Variants in SPIDR observed in about 807,000 individuals in gnomAD.
SPIDR encodes the protein DNA repair-scaffolding protein.
In SPIDR, 93 loss-of-function variants were observed where a neutral mutation model predicts 104.6. The ratio of observed to expected loss-of-function variants is 0.89; its 90% CI spans 0.75 to 1.06. The LOEUF is 1.06. Ranked by LOEUF, SPIDR falls within the 50% of genes least tolerant of loss-of-function variation. The pLI is 0.00. For missense variants in SPIDR, 1,154 were observed against 1,111.2 expected (o/e 1.04, Z -0.55); for synonymous variants, 431 against 416.9 (o/e 1.03, Z -0.41).
At chr8:47,262,569 A>G (rs1048482701) in intron 1 of SPIDR, among the ~76,000 whole-genome samples, 8 of 152,238 alleles carry the variant, frequency 5.3e-5, no homozygotes, top group Admixed American at 2.6e-4. Flanking sequence ...TGACAGCTGC[A>G]TAGGGCAGCT....
At chr8:47,419,404 G>T (rs185021007) in intron 7 of SPIDR, 1 of 152,104 alleles carries the variant, frequency 6.6e-6, no homozygotes. Flanking sequence ...GTTTATTTGC[G>T]TAGAGGTGTC....
At chr8:47,433,799 T>C (rs569952085) in intron 7 of SPIDR, among the ~76,000 whole-genome samples, 91 of 152,318 alleles carry the variant, frequency 6.0e-4, no homozygotes, top group African/African-American at 2.0e-3. Context: ...GCATGGAGAT[T>C]TGGCATAGGT....
chr8:47,702,886 C>T (rs922898267), intron 14 of SPIDR, among the ~76,000 whole-genome samples: 1 of 152,170 alleles, frequency 6.6e-6, no homozygotes, highest in Non-Finnish European at 1.5e-5. Context: ...AGCTACCAGC[C>T]AGGCCAGAAT....
chr8:47,444,013 A>G (rs2154345194), intron 8 of SPIDR, among the ~76,000 whole-genome samples: 1 of 152,350 alleles, frequency 6.6e-6, no homozygotes, highest in South Asian at 2.1e-4. Context: ...ATAGAATTAT[A>G]TAAGTCACCA....
chr8:47,707,938 T>C (rs1363567947), intron 14 of SPIDR, among the ~76,000 whole-genome samples: 2 of 152,268 alleles, frequency 1.3e-5, no homozygotes, highest in African/African-American at 4.8e-5. Context: ...TTTTTCCTGA[T>C]AAATTTGCAT....
chr8:47,443,036 A>G (rs2069754736), intron 8 of SPIDR, among the ~76,000 whole-genome samples: 1 of 152,120 alleles, frequency 6.6e-6, no homozygotes, highest in Non-Finnish European at 1.5e-5. Flanking sequence ...AATGTAGGAC[A>G]TTTTCTTGGG....
intron 5 of SPIDR, among the ~76,000 whole-genome samples, chr8:47,370,439 ATTTTTTTTTT>A (rs34220804): frequency 1.0e-5 from 1 of 99,074 alleles, no homozygotes; most frequent in East Asian, 3.0e-4. Context: ...AGAGGTCAAG[ATTTTTTTTTT>A]TTTTTTTTTT....
chr8:47,575,381 C>A (rs916596296), intron 8 of SPIDR, among the ~76,000 whole-genome samples: 1 of 152,082 alleles, frequency 6.6e-6, no homozygotes, highest in African/African-American at 2.4e-5. Context: ...CGGTGGCTCA[C>A]GCCTGTAATC....
intron 8 of SPIDR, among the ~76,000 whole-genome samples, chr8:47,523,288 C>G (rs2154381354): frequency 6.6e-6 from 1 of 152,080 alleles, no homozygotes; most frequent in East Asian, 1.9e-4. Context: ...TTTACTTGAC[C>G]CTAACTAGAT....
chr8:47,440,547 G>A lies in SPIDR; in HGVS notation c.1097+5G>A. ...TGTCCGGATCTTCCCTCCCTGGTGA[G>A]TGCGCAGAACTTAATCCAGCAGTCA... On this transcript the variant is annotated splice_donor_5th_base_variant and intron_variant, in intron 8 of 19. Coordinates refer to ENST00000297423, the MANE Select transcript of SPIDR (RefSeq NM_001080394.4). The A allele has an allele frequency of 2.5e-6, 4 of 1,610,946 alleles. No individual in the cohort carries two copies. The highest frequency in any genetic ancestry group is 2.2e-5 in the East Asian group (1 of 44,804).
Position 47,702,027 on chromosome 8 carries a change from T to C in SPIDR, c.1977+12T>C, listed in dbSNP as rs201052352. The C allele has an allele frequency of 3.2e-6, 5 of 1,585,060 alleles. No homozygotes were observed. Among genetic ancestry groups the C allele is most frequent in the Admixed American group, 3.6e-5 (2 of 56,036 alleles). ...ACCAAAAACCACAGGTAATAATCTC[T>C]CTCAATCTCTCAATCTCTCAGCCTT... On this transcript the variant is annotated intron_variant, in intron 14 of 19. Transcript: ENST00000297423.
chr8:47,723,536 T>G (rs2083738639), intron 16 of SPIDR, among the ~76,000 whole-genome samples: 1 of 151,838 alleles, frequency 6.6e-6, no homozygotes, highest in African/African-American at 2.4e-5. Flanking sequence ...TTCATGCCAT[T>G]CTTCTGCCTC....
intron 8 of SPIDR, among the ~76,000 whole-genome samples, chr8:47,464,749 A>C (rs2074502179): frequency 6.8e-6 from 1 of 147,524 alleles, no homozygotes; most frequent in African/African-American, 2.5e-5. Flanking sequence ...ACCTTGCCTC[A>C]TTTTTCTTTT....
intron 5 of SPIDR, among the ~76,000 whole-genome samples, chr8:47,384,844 T>A (rs1379234745): frequency 1.3e-5 from 2 of 152,220 alleles, no homozygotes; most frequent in Non-Finnish European, 2.9e-5. Flanking sequence ...AAGAAATATT[T>A]ATTTATTTCT....
chr8:47,536,716 ACTAT>A (rs2086979423), intron 8 of SPIDR, among the ~76,000 whole-genome samples: 1 of 152,206 alleles, frequency 6.6e-6, no homozygotes, highest in Non-Finnish European at 1.5e-5. Flanking sequence ...GACCAAAGGC[ACTAT>A]CTGTGAGAGA....
intron 7 of SPIDR, among the ~76,000 whole-genome samples, chr8:47,438,298 T>C (rs2068742304): frequency 6.6e-6 from 1 of 152,214 alleles, no homozygotes; most frequent in African/African-American, 2.4e-5. Flanking sequence ...GAATGAGCCC[T>C]GAGTTGAGTA....
intron 8 of SPIDR, among the ~76,000 whole-genome samples, chr8:47,456,800 TA>T (rs1193268280): frequency 6.6e-6 from 1 of 152,190 alleles, no homozygotes; most frequent in Non-Finnish European, 1.5e-5. Flanking sequence ...GTATCATTCT[TA>T]CGCCTTTGCA....
intron 8 of SPIDR, among the ~76,000 whole-genome samples, chr8:47,524,019 A>C (rs1348441731): frequency 6.6e-6 from 1 of 152,224 alleles, no homozygotes; most frequent in African/African-American, 2.4e-5. Context: ...GTAGCTTCTA[A>C]AATACCACCA....
At chr8:47,297,200 A>T (rs1449658830) in intron 5 of SPIDR, among the ~76,000 whole-genome samples, 1 of 152,032 alleles carries the variant, frequency 6.6e-6, no homozygotes, top group Non-Finnish European at 1.5e-5. Flanking sequence ...GGATGCCTTT[A>T]TTTCTTTCTC....
Sources: gnomAD v4.1 joint callset for allele counts (sites outside exome capture counted in the v4.1 genomes callset) on GRCh38, gnomAD v4.1.1 for gene constraint, MANE v1.5 for transcripts, NCBI Gene and HGNC (gene_info 2026-07-23, HGNC 2026-07-21) for gene names.